Variants in PRPF38B observed in about 807,000 individuals in gnomAD.
PRPF38B encodes the protein pre-mRNA-splicing factor 38B.
A neutral mutation model predicts 67.2 loss-of-function variants in PRPF38B; 18 were observed. The observed-to-expected ratio is 0.27, with a 90% CI of 0.19 to 0.40. The LOEUF (loss-of-function observed/expected upper bound fraction) is 0.40, where lower values mean the gene tolerates loss of function less well. PRPF38B is among the 10% of genes least tolerant of loss of function. The pLI, the probability that PRPF38B is intolerant of heterozygous loss-of-function variation, is 1.00. For synonymous variants in PRPF38B, 246 were observed against 234.2 expected, an observed-to-expected ratio of 1.05 and a Z score of -0.46; for missense variants, 544 against 684.9, an observed-to-expected ratio of 0.79 and a Z score of 2.30.
Position 108,700,329 on chromosome 1 carries a change from G to T in PRPF38B, c.*309G>T. On this transcript the variant is annotated 3_prime_UTR_variant, in exon 6 of 6. Transcript: ENST00000370025. Reference sequence around the variant, plus strand: ...TTCCTTTGGCATGGTTGCCATGTTGGTTAAATTTGTATAAGGCAATAAACT... The same window carrying T: ...TTCCTTTGGCATGGTTGCCATGTTGTTTAAATTTGTATAAGGCAATAAACT... 1 of 243,504 alleles carries T rather than the reference G, an allele frequency of 4.1e-6. No individual in the cohort carries two copies. The highest frequency in any genetic ancestry group is 7.6e-6 in the Non-Finnish European group (1 of 131,560). The allele number at this position is 243,504 out of a possible 1,614,324, so 15.1% of individuals were successfully genotyped here.
At chr1:108,697,029 T>A (rs1300790669) in intron 4 of PRPF38B, 1 of 446,626 alleles carries the variant, frequency 2.2e-6, no homozygotes, top group East Asian at 4.0e-5. Context: ...TCCCAACACT[T>A]CGAGAGTTCA....
At chr1:108,699,096 T>C (rs986670842) in intron 5 of PRPF38B, 66 bp from the exon 6 acceptor site, 1 of 1,526,626 alleles carries the variant, frequency 6.6e-7, no homozygotes, top group Non-Finnish European at 8.8e-7. Flanking sequence ...GTTGAAAGTT[T>C]TACTGTGAAA....
rs1287882335 is a variant in PRPF38B at position 108,702,679 on chromosome 1, C to G, written c.*2659C>G. ...GGAGGGATAATATTAGGAGAAATAC[C>G]TAATGTAGATGACAGGTTGATGGGT... On this transcript the variant is annotated 3_prime_UTR_variant, in exon 6 of 6. Coordinates refer to ENST00000370025, the MANE Select transcript of PRPF38B (RefSeq NM_018061.4). Among the ~76,000 whole-genome samples, 2 of 151,930 alleles carry G rather than the reference C, an allele frequency of 1.3e-5. No individual in the cohort carries two copies. The highest frequency in any genetic ancestry group is 2.9e-5 in the Non-Finnish European group (2 of 68,008).
rs1328347268 is a variant in PRPF38B at position 108,701,291 on chromosome 1, T to TTA, written c.*1272_*1273dup. On this transcript the variant is annotated 3_prime_UTR_variant, in exon 6 of 6. Transcript: ENST00000370025. ...GTCACACTTTGTGTACAGGGATGTC[T>TTA]TAGTGCCCAGATGACAAGTGAATTT... 12 of 152,644 alleles carry TTA rather than the reference T, an allele frequency of 7.9e-5. No homozygotes were observed. Among genetic ancestry groups the TTA allele is most frequent in the Non-Finnish European group, 1.6e-4 (11 of 68,038 alleles). The allele number at this position is 152,644 out of a possible 1,614,324, so 9.5% of individuals were successfully genotyped here. A position where few individuals can be genotyped will look rare whatever the true frequency, so the allele number is the denominator to read the frequency against.
chr1:108,698,491 TTC>T (rs1660105685), intron 4 of PRPF38B, 111 bp from the exon 5 acceptor site: 5 of 818,284 alleles, frequency 6.1e-6, no homozygotes, highest in Non-Finnish European at 9.4e-6. Context: ...AATAAAATTT[TTC>T]TGTTAGTTTT....
At chr1:108,699,051 T>C (rs1660166104) in intron 5 of PRPF38B, 111 bp from the exon 6 acceptor site, 13 of 1,507,976 alleles carry the variant, frequency 8.6e-6, no homozygotes, top group Middle Eastern at 2.3e-4. Context: ...ATTCTTGACA[T>C]GGCCTTAAGC....
rs939846060 is a variant in PRPF38B, at chr1:108,700,441, T to C, written c.*421T>C. 2 of 158,468 alleles carry C rather than the reference T, an allele frequency of 1.3e-5. No individual in the cohort carries two copies. The highest frequency in any genetic ancestry group is 4.8e-5 in the African/African-American group (2 of 41,520). 9.8% of individuals were successfully genotyped at this position (158,468 alleles called of 1,614,324 possible). On this transcript the variant is annotated 3_prime_UTR_variant, in exon 6 of 6. Transcript: ENST00000370025. ...GGCTGTGCTTTTCGTAATAGAATGC[T>C]AAAGACTTTGAGAATGGATCTTGGA...
rs1660609269 is a variant in PRPF38B at position 108,702,462 on chromosome 1, A to C, written c.*2442A>C. Among the ~76,000 whole-genome samples, 1 of 152,116 alleles carries C rather than the reference A, an allele frequency of 6.6e-6. No individual in the cohort carries two copies. Among genetic ancestry groups the C allele is most frequent in the Admixed American group, 6.5e-5 (1 of 15,274 alleles). On this transcript the variant is annotated 3_prime_UTR_variant, in exon 6 of 6. Transcript: ENST00000370025. ...TTAAATATGTTTGCTTTTGAGGAAA[A>C]TTATGGTAGGTGTGAGAACATGTAA...
rs755906250 is a variant in PRPF38B at position 108,698,554 on chromosome 1, A to C, written c.559-50A>C. The C allele has an allele frequency of 3.2e-6, 4 of 1,269,546 alleles. No individual in the cohort carries two copies. In the South Asian group the frequency reaches 5.2e-5, roughly 17 times the overall value. The allele number at this position is 1,269,546 out of a possible 1,614,324, so 78.6% of individuals were successfully genotyped here. ...TAATATTTTTATAATATTCATGTAT[A>C]TATGGAAATACTTTTTTTGACGGCT... is the stretch of plus-strand genomic sequence containing the variant. On this transcript the variant is annotated intron_variant, in intron 4 of 5. Coordinates refer to ENST00000370025, the MANE Select transcript of PRPF38B (RefSeq NM_018061.4).
At chr1:108,693,269 G>T (rs999398608) in intron 1 of PRPF38B, among the ~76,000 whole-genome samples, 1 of 152,124 alleles carries the variant, frequency 6.6e-6, no homozygotes, top group Non-Finnish European at 1.5e-5. Flanking sequence ...TGGCCAGGGC[G>T]TGTAATGACT....
At chr1:108,693,037 C>T (rs1236333098) in intron 1 of PRPF38B, among the ~76,000 whole-genome samples, 170 bp downstream of exon 1, 1 of 152,072 alleles carries the variant, frequency 6.6e-6, no homozygotes, top group Non-Finnish European at 1.5e-5. Flanking sequence ...ACTGGGGCCG[C>T]CCTCTCGTTT....
Position 108,693,715 on chromosome 1 carries a change from TG to T in PRPF38B, c.276+849del. 3 of 893,854 alleles carry T rather than the reference TG, an allele frequency of 3.4e-6. No individual in the cohort carries two copies. The African/African-American group carries it at 5.4e-5, about 16-fold the overall frequency. The allele number at this position is 893,854 out of a possible 1,614,324, so 55.4% of individuals were successfully genotyped here. On this transcript the variant is annotated intron_variant, in intron 1 of 5. Transcript: ENST00000370025. ...TTAAATGAACGACTAATTAGATTTT[TG>T]TGGGTTTTTTTGGCCATTGCTTTTG...
At chr1:108,692,940 G>T (rs1659463788) in intron 1 of PRPF38B, 73 bp downstream of exon 1, 1 of 1,520,668 alleles carries the variant, frequency 6.6e-7, no homozygotes, top group Admixed American at 2.1e-5. Flanking sequence ...GGCGAAGGCG[G>T]CCCCCGAAAT....
In PRPF38B at chr1:108,692,578, C is replaced by T. The variant is rs761421226; in HGVS notation, c.-14C>T. On this transcript the variant is annotated 5_prime_UTR_variant, in exon 1 of 6. Coordinates refer to ENST00000370025, the MANE Select transcript of PRPF38B (RefSeq NM_018061.4). ...CCCCCCCCTCCTTCCCTCCCTCCTT[C>T]CTTCCGCCGCAACATGGCTAACAAC... 11 of 1,387,986 alleles carry T rather than the reference C, an allele frequency of 7.9e-6. No individual in the cohort carries two copies. The Admixed American group carries it at 1.1e-4, about 14-fold the overall frequency. The allele number at this position is 1,387,986 out of a possible 1,614,324, so 86.0% of individuals were successfully genotyped here. A position where few individuals can be genotyped will look rare whatever the true frequency, so the allele number is the denominator to read the frequency against.
At position 108,698,750 on chromosome 1, in the gene PRPF38B, C is replaced by G. The variant is rs779898956; in HGVS notation, c.705C>G (p.Thr235=). Residue 235 remains threonine, a synonymous_variant, in exon 5 of 6, where the codon ACC becomes ACG. Transcript: ENST00000370025. ...AGAATATTGATCAACAGATTAAAAC[C>G]CGACCTAGAAAAATCAAGAAAGATG... ...VQKNIDQQIK[T]RPRKIKKDGK... is the part of the protein sequence containing the mutation. The G allele has an allele frequency of 2.5e-6, 4 of 1,613,930 alleles. No individual in the cohort carries two copies. Among genetic ancestry groups the G allele is most frequent in the Non-Finnish European group, 2.5e-6 (3 of 1,179,948 alleles).
chr1:108,701,007 A>G lies in PRPF38B; in HGVS notation c.*987A>G, dbSNP rs1228646405. ...TTAAAATTCAGAACTTTTTTTATTG[A>G]TAATGGAGATTGCTGTTTGAGTTTT... is the stretch of plus-strand genomic sequence containing the variant. On this transcript the variant is annotated 3_prime_UTR_variant, in exon 6 of 6. Coordinates refer to ENST00000370025, the MANE Select transcript of PRPF38B (RefSeq NM_018061.4). The G allele has an allele frequency of 6.6e-6, 1 of 152,570 alleles. No individual in the cohort carries two copies. Among genetic ancestry groups the G allele is most frequent in the African/African-American group, 2.4e-5 (1 of 41,446 alleles). 9.5% of individuals were successfully genotyped at this position (152,570 alleles called of 1,614,324 possible).
At position 108,699,794 on chromosome 1, in the gene PRPF38B, G is replaced by T; in HGVS notation, c.1415G>T (p.Arg472Leu). The stretch of plus-strand genomic sequence containing the variant: ...AAAGAAAAATCAAATAAACGAAGTC[G>T]AAGTGGCAGTCAAGGAAGAACTGAC... ...ESKEKSNKRS[R>L]SGSQGRTDSV... Residue 472 changes from arginine (R) to leucine (L), a missense_variant, in exon 6 of 6, where the codon CGA (arginine) becomes CTA (leucine). Arg to Leu is a moderately radical substitution (Grantham distance 102). Coordinates refer to ENST00000370025, the MANE Select transcript of PRPF38B (RefSeq NM_018061.4). The T allele has an allele frequency of 6.2e-7, 1 of 1,612,962 alleles. No homozygotes were observed. Among genetic ancestry groups the T allele is most frequent in the Non-Finnish European group, 8.5e-7 (1 of 1,179,780 alleles).
Position 108,699,692 on chromosome 1 carries a change from G to A in PRPF38B, c.1313G>A (p.Arg438Lys), listed in dbSNP as rs1323429405. 2.5e-5 allele frequency: 40 copies of A among 1,603,006 alleles called. No individual in the cohort carries two copies. The highest frequency in any genetic ancestry group is 3.3e-5 in the Non-Finnish European group (39 of 1,174,290). ...SRSRERKHRS[R>K]SRSRNAGKRS... is the part of the protein sequence containing the mutation. ...AGCAGAGAAAGGAAACACAGAAGTA[G>A]GAGTCGAAGTAGAAATGCAGGGAAA... is the stretch of plus-strand genomic sequence containing the variant. The change falls in exon 6 of 6, where the codon AGG becomes AAG. Residue 438 changes from arginine to lysine, a missense_variant. Around this residue, in one of 5 missense-constraint regions of PRPF38B, gnomAD observed 387 missense variants for 386.1 expected, o/e 1.00. Coordinates refer to ENST00000370025, the MANE Select transcript of PRPF38B (RefSeq NM_018061.4).
At position 108,701,983 on chromosome 1, in the gene PRPF38B, G is replaced by A. The variant is rs113995989; in HGVS notation, c.*1963G>A. Among the ~76,000 whole-genome samples the A allele has an allele frequency of 1.1e-4, 16 of 152,262 alleles. No individual in the cohort carries two copies. Among genetic ancestry groups the A allele is most frequent in the Non-Finnish European group, 2.1e-4 (14 of 68,016 alleles). On this transcript the variant is annotated 3_prime_UTR_variant, in exon 6 of 6. Transcript: ENST00000370025. ...CCTAAATTATGGAGCTACTACTTTG[G>A]ATATGGTTCCATGTGAAATGTTTTA...
Sources: allele counts gnomAD v4.1 joint callset (sites outside exome capture counted in the v4.1 genomes callset), GRCh38; gene constraint gnomAD v4.1.1; regional missense constraint gnomAD v4.1.1; transcripts MANE v1.5; gene names NCBI Gene and HGNC (gene_info 2026-07-23, HGNC 2026-07-21).